The following XNDC1N variants were observed in gnomAD, a reference collection of about 807,000 sequenced individuals.
XNDC1N encodes XRCC1 N-terminal domain containing 1, N-terminal like, also known as protein XNDC1N.
At chr11:71,893,330 G>A in the XNDC1N span, 1 of 554,126 alleles carries the variant, frequency 1.8e-6, no homozygotes, top group Non-Finnish European at 3.3e-6. Context: ...TGTCACAACT[G>A]AGAAACATTG....
At chr11:71,928,198 G>A in the XNDC1N span, among the ~76,000 whole-genome samples, 1 of 152,234 alleles carries the variant, frequency 6.6e-6, no homozygotes, top group Non-Finnish European at 1.5e-5. Context: ...GAATGTGGGT[G>A]CCCTGGAGGT....
At chr11:71,879,309 T>G in the XNDC1N span, among the ~76,000 whole-genome samples, 1 of 152,190 alleles carries the variant, frequency 6.6e-6, no homozygotes, top group Non-Finnish European at 1.5e-5. Flanking sequence ...GATTCCACCT[T>G]AATTTTTAAC....
the XNDC1N span, among the ~76,000 whole-genome samples, chr11:71,868,114 T>C: frequency 6.6e-6 from 1 of 152,314 alleles, no homozygotes; most frequent in Non-Finnish European, 1.5e-5. Context: ...CAACCCCTGC[T>C]TTTTTGTTTC....
chr11:71,923,118 AGAC>A, the XNDC1N span, among the ~76,000 whole-genome samples: 1 of 152,206 alleles, frequency 6.6e-6, no homozygotes, highest in Non-Finnish European at 1.5e-5. Flanking sequence ...ACTTCTGAGA[AGAC>A]TTCTTTTGCG....
the XNDC1N span, among the ~76,000 whole-genome samples, chr11:71,896,438 A>G: frequency 7.2e-5 from 11 of 152,286 alleles, no homozygotes; most frequent in Non-Finnish European, 1.5e-4. Context: ...TTGATAGTAC[A>G]GTATGAAAAT....
chr11:71,919,018 C>T, the XNDC1N span: 1 of 702,810 alleles, frequency 1.4e-6, no homozygotes, highest in Non-Finnish European at 2.6e-6. Context: ...CTACAGGATA[C>T]TTGGGATCCT....
the XNDC1N span, among the ~76,000 whole-genome samples, chr11:71,891,304 G>A: frequency 2.0e-5 from 3 of 151,958 alleles, no homozygotes; most frequent in African/African-American, 2.4e-5. Flanking sequence ...CTGCGGTCCT[G>A]GGAGTAATAT....
the XNDC1N span, among the ~76,000 whole-genome samples, chr11:71,908,325 CATT>C: frequency 4.6e-5 from 7 of 151,558 alleles, no homozygotes; most frequent in Non-Finnish European, 7.4e-5. Context: ...CATCATTAAT[CATT>C]AATATAATCA....
the XNDC1N span, among the ~76,000 whole-genome samples, chr11:71,890,556 T>C: frequency 1.3e-5 from 2 of 152,212 alleles, no homozygotes; most frequent in African/African-American, 4.8e-5. Flanking sequence ...TTGGTATGAA[T>C]ACTATCCTCT....
chr11:71,912,420 C>T, the XNDC1N span, among the ~76,000 whole-genome samples: 1 of 152,110 alleles, frequency 6.6e-6, no homozygotes, highest in Non-Finnish European at 1.5e-5. Context: ...CCTCTCCCCA[C>T]CTGGATACTG....
At chr11:71,886,466 C>G in the XNDC1N span, among the ~76,000 whole-genome samples, 2 of 152,064 alleles carry the variant, frequency 1.3e-5, no homozygotes, top group Non-Finnish European at 2.9e-5. Context: ...AAAGGCTAAA[C>G]CGAGACAGGG....
the XNDC1N span, among the ~76,000 whole-genome samples, chr11:71,866,321 T>C: frequency 5.3e-5 from 8 of 152,124 alleles, no homozygotes; most frequent in African/African-American, 1.9e-4. Flanking sequence ...ATAATAAGAC[T>C]GGGTGAATTA....
At chr11:71,905,044 G>C in the XNDC1N span, among the ~76,000 whole-genome samples, 1 of 151,788 alleles carries the variant, frequency 6.6e-6, no homozygotes, top group Non-Finnish European at 1.5e-5. Context: ...ATCTCTTTAG[G>C]ATATTACCAA....
At chr11:71,882,735 G>C in the XNDC1N span, among the ~76,000 whole-genome samples, 1 of 152,158 alleles carries the variant, frequency 6.6e-6, no homozygotes, top group African/African-American at 2.4e-5. Flanking sequence ...GATTCTAAAA[G>C]TTCTAGCAAG....
the XNDC1N span, among the ~76,000 whole-genome samples, chr11:71,874,602 A>T: frequency 2.4e-4 from 37 of 152,264 alleles, 1 homozygote; most frequent in African/African-American, 7.7e-4. Flanking sequence ...AAATAGTTGA[A>T]TTTTTTTATT....
At chr11:71,877,329 C>T in the XNDC1N span, among the ~76,000 whole-genome samples, 2 of 152,354 alleles carry the variant, frequency 1.3e-5, no homozygotes, top group Admixed American at 6.5e-5. Flanking sequence ...TGTGCATGTA[C>T]TTTGCAGTCT....
the XNDC1N span, among the ~76,000 whole-genome samples, chr11:71,873,524 A>T: frequency 6.6e-6 from 1 of 152,254 alleles, no homozygotes; most frequent in Admixed American, 6.5e-5. Context: ...AATCATGGAA[A>T]GCCTCTCTGA....
At chr11:71,903,608 G>A in the XNDC1N span, 1 of 563,978 alleles carries the variant, frequency 1.8e-6, no homozygotes, top group South Asian at 1.9e-5. Context: ...TTGAACCCGT[G>A]TTTCTGTGGC....
the XNDC1N span, among the ~76,000 whole-genome samples, chr11:71,920,632 C>T: frequency 6.6e-6 from 1 of 152,108 alleles, no homozygotes; most frequent in African/African-American, 2.4e-5. Flanking sequence ...ATTTATTTAT[C>T]TTTATAGTTA....
Sources: gnomAD v4.1 joint callset for allele counts (sites outside exome capture counted in the v4.1 genomes callset) on GRCh38, gnomAD v4.1.1 for gene constraint, MANE v1.5 for transcripts, NCBI Gene and HGNC (gene_info 2026-07-23, HGNC 2026-07-21) for gene names.